FBXL17: variants seen among roughly 807,000 people sequenced by gnomAD.
The protein encoded by FBXL17 is F-box and leucine rich repeat protein 17, also known as F-box/LRR-repeat protein 17.
FBXL17 carries 22 observed loss-of-function variants against 66.2 expected under a neutral mutation model. The ratio of observed to expected loss-of-function variants is 0.33; its 90% CI spans 0.24 to 0.47. The LOEUF (loss-of-function observed/expected upper bound fraction) is 0.47. FBXL17 is among the 20% of genes least tolerant of loss of function. The pLI, the probability that FBXL17 is intolerant of heterozygous loss-of-function variation, is 1.00. For missense variants in FBXL17, 878 were observed against 948.2 expected, an observed-to-expected ratio of 0.93 and a Z score of 0.97; for synonymous variants, 474 against 400.5, an observed-to-expected ratio of 1.18 and a Z score of -2.19.
At chr5:108,129,062 G>A (rs186049768) in intron 6 of FBXL17, among the ~76,000 whole-genome samples, 2 of 152,132 alleles carry the variant, frequency 1.3e-5, no homozygotes, top group Admixed American at 6.6e-5. Context: ...GTATCAAATA[G>A]GTTGACTTAA....
intron 6 of FBXL17, among the ~76,000 whole-genome samples, chr5:108,150,016 T>C (rs1751707335): frequency 6.6e-6 from 1 of 152,150 alleles, no homozygotes; most frequent in African/African-American, 2.4e-5. Flanking sequence ...CCCATGAATG[T>C]TTCACTCAGA....
At position 108,204,626 on chromosome 5, in the gene FBXL17, T is replaced by G. The variant is rs149839798; in HGVS notation, c.1615-18379A>C. ...CCTTTGAACTACATGTAAAAATAAC[T>G]TGCCATTTTTGGCATTTCAGACTCT... On this transcript the variant is annotated intron_variant, in intron 5 of 8. Transcript: ENST00000542267. Among the ~76,000 whole-genome samples the G allele has an allele frequency of 3.6e-3, 543 of 152,298 alleles. 4 individuals are homozygous for G. Among genetic ancestry groups the G allele is most frequent in the African/African-American group, 0.012 (519 of 41,568 alleles).
chr5:108,289,679 T>C (rs1758034335), intron 4 of FBXL17, among the ~76,000 whole-genome samples: 1 of 152,128 alleles, frequency 6.6e-6, no homozygotes. Context: ...GCTTTGAAGT[T>C]AGGCAGTCTG....
At chr5:108,150,818 A>ACACC (rs1457887116) in intron 6 of FBXL17, among the ~76,000 whole-genome samples, 2 of 152,236 alleles carry the variant, frequency 1.3e-5, no homozygotes, top group Non-Finnish European at 2.9e-5. Context: ...ATATCTGATC[A>ACACC]ACTGATTAAG....
At chr5:107,971,447 T>C (rs1752370538) in intron 7 of FBXL17, among the ~76,000 whole-genome samples, 1 of 152,222 alleles carries the variant, frequency 6.6e-6, no homozygotes, top group South Asian at 2.1e-4. Flanking sequence ...GGTATTAGCA[T>C]GTATTTCTTA....
Position 108,381,371 on chromosome 5 carries a change from C to G in FBXL17, c.321G>C (p.Leu107=), listed in dbSNP as rs546438342. ...SQHLARRYAA[L]AAEDCAAAAR... is the part of the protein sequence containing the mutation. ...CAGCAGCGGCGCAGTCCTCGGCGGC[C>G]AGGGCCGCGTAGCGCCGCGCCAGGT... The change falls in exon 1 of 9, where the codon CTG becomes CTC. Residue 107 remains leucine, a synonymous_variant. Transcript: ENST00000542267. The G allele has an allele frequency of 7.5e-7, 1 of 1,334,366 alleles. No individual in the cohort carries two copies. The highest frequency in any genetic ancestry group is 1.5e-5 in the African/African-American group (1 of 64,722). The allele number at this position is 1,334,366 out of a possible 1,614,324, so 82.7% of individuals were successfully genotyped here.
At chr5:108,325,639 C>T (rs969936335) in intron 4 of FBXL17, among the ~76,000 whole-genome samples, 3 of 152,060 alleles carry the variant, frequency 2.0e-5, no homozygotes, top group Non-Finnish European at 4.4e-5. Flanking sequence ...AGTTCTTAAG[C>T]AGGAAAGCAA....
At chr5:107,968,700 T>G (rs551697308) in intron 7 of FBXL17, among the ~76,000 whole-genome samples, 42 of 152,146 alleles carry the variant, frequency 2.8e-4, no homozygotes, top group Admixed American at 5.2e-4. Context: ...AAATAAAAAT[T>G]GCCTCTGAAT....
At chr5:108,330,061 C>T (rs1760049663) in intron 4 of FBXL17, among the ~76,000 whole-genome samples, 1 of 152,134 alleles carries the variant, frequency 6.6e-6, no homozygotes, top group East Asian at 1.9e-4. Flanking sequence ...GAACAATAGG[C>T]TATGGGGTTA....
At chr5:108,375,230 G>T (rs1352361305) in intron 1 of FBXL17, among the ~76,000 whole-genome samples, 1 of 152,030 alleles carries the variant, frequency 6.6e-6, no homozygotes, top group Non-Finnish European at 1.5e-5. Flanking sequence ...GCGCCAGCAT[G>T]CCTGTGCACC....
intron 4 of FBXL17, among the ~76,000 whole-genome samples, chr5:108,331,655 A>AT (rs1252771695): frequency 6.6e-6 from 1 of 152,208 alleles, no homozygotes; most frequent in African/African-American, 2.4e-5. Context: ...CTACACATTG[A>AT]TAAGTAAAAC....
intron 4 of FBXL17, among the ~76,000 whole-genome samples, chr5:108,281,058 G>T (rs951547740): frequency 4.0e-5 from 6 of 151,684 alleles, no homozygotes; most frequent in Admixed American, 3.9e-4. Flanking sequence ...GAGACAGATA[G>T]CAATACAATA....
chr5:108,166,909 G>A (rs772948442), intron 6 of FBXL17, among the ~76,000 whole-genome samples: 2 of 152,084 alleles, frequency 1.3e-5, no homozygotes, highest in African/African-American at 2.4e-5. Context: ...TAGATGTGTA[G>A]GTGCAGATAA....
intron 6 of FBXL17, among the ~76,000 whole-genome samples, chr5:108,069,144 T>C (rs137906226): frequency 7.4e-4 from 113 of 152,274 alleles, no homozygotes; most frequent in African/African-American, 2.7e-3. Flanking sequence ...ACATGTTATT[T>C]TGGGGGCAGA....
intron 4 of FBXL17, among the ~76,000 whole-genome samples, chr5:108,319,230 CAT>C (rs1409495132): frequency 6.6e-6 from 1 of 151,800 alleles, no homozygotes; most frequent in African/African-American, 2.4e-5. Context: ...GGAAAATTAA[CAT>C]GAGAGAAAAG....
intron 3 of FBXL17, among the ~76,000 whole-genome samples, chr5:108,363,783 A>T (rs1222093697): frequency 6.6e-6 from 1 of 152,004 alleles, no homozygotes; most frequent in Non-Finnish European, 1.5e-5. Flanking sequence ...CCAGTTCTTA[A>T]TACATACACC....
intron 6 of FBXL17, among the ~76,000 whole-genome samples, chr5:108,024,600 A>C (rs977209516): frequency 2.0e-5 from 3 of 152,184 alleles, no homozygotes; most frequent in African/African-American, 7.2e-5. Flanking sequence ...AGAGAATTAA[A>C]AAAAAGACAT....
intron 7 of FBXL17, among the ~76,000 whole-genome samples, chr5:108,012,519 T>C (rs1011259481): frequency 3.9e-5 from 6 of 152,202 alleles, no homozygotes; most frequent in African/African-American, 1.4e-4. Context: ...TGGATTTAGT[T>C]ATATTTTTAA....
At chr5:108,344,791 C>T (rs1011732349) in intron 4 of FBXL17, among the ~76,000 whole-genome samples, 3 of 152,174 alleles carry the variant, frequency 2.0e-5, no homozygotes, top group Admixed American at 6.5e-5. Context: ...TGACTATATG[C>T]TCAAACTAAA....
Sources: allele counts gnomAD v4.1 joint callset (sites outside exome capture counted in the v4.1 genomes callset), GRCh38; gene constraint gnomAD v4.1.1; transcripts MANE v1.5; gene names NCBI Gene and HGNC (gene_info 2026-07-23, HGNC 2026-07-21).